The following PPP1R9A variants were observed in gnomAD, a reference collection of about 807,000 sequenced individuals.
The protein encoded by PPP1R9A is neurabin-1.
In PPP1R9A, 59 loss-of-function variants were observed where a neutral mutation model predicts 141.9. That is an observed-to-expected ratio of 0.42 (90% confidence interval 0.34 to 0.52). PPP1R9A has a LOEUF of 0.52. PPP1R9A is among the 20% of genes least tolerant of loss of function. The probability of loss-of-function intolerance (pLI) is 0.10; values close to 1 mark genes in which losing one functional copy is unlikely to be tolerated. For missense variants in PPP1R9A, 1,444 were observed against 1,611.9 expected (o/e 0.90, Z 1.78); for synonymous variants, 500 against 569.7 (o/e 0.88, Z 1.74).
At chr7:95,286,993 C>T in intron 18 of PPP1R9A, 3 of 1,071,320 alleles carry the variant, frequency 2.8e-6, no homozygotes, top group South Asian at 1.8e-5. Flanking sequence ...GCTTTTCTGC[C>T]CGTATTCTTC....
chr7:95,185,366 C>T (rs1490408059), intron 5 of PPP1R9A, among the ~76,000 whole-genome samples: 4 of 115,154 alleles, frequency 3.5e-5, no homozygotes, highest in South Asian at 5.3e-4. Flanking sequence ...CCCTAGCCCA[C>T]TTTTTTATGG....
chr7:95,015,759 G>T (rs535279352), intron 2 of PPP1R9A, among the ~76,000 whole-genome samples: 1 of 152,134 alleles, frequency 6.6e-6, no homozygotes, highest in East Asian at 1.9e-4. Flanking sequence ...TAAGTACAAA[G>T]AAAATCTAGG....
chr7:94,932,763 A>ATTTTTTTT (rs34284096), intron 2 of PPP1R9A, among the ~76,000 whole-genome samples: 1 of 119,764 alleles, frequency 8.3e-6, no homozygotes, highest in Non-Finnish European at 1.7e-5. Flanking sequence ...TACCTGAAGC[A>ATTTTTTTT]TTTTTTTTTT....
chr7:95,078,551 G>C (rs1028125525), intron 2 of PPP1R9A, among the ~76,000 whole-genome samples: 1 of 152,076 alleles, frequency 6.6e-6, no homozygotes, highest in African/African-American at 2.4e-5. Context: ...CTGAGGAATC[G>C]CCACACTGAC....
intron 7 of PPP1R9A, among the ~76,000 whole-genome samples, chr7:95,208,669 A>T (rs1791374296): frequency 6.6e-6 from 1 of 151,500 alleles, no homozygotes; most frequent in Non-Finnish European, 1.5e-5. Flanking sequence ...GCTTGCAGTG[A>T]GCCGAGATCA....
In PPP1R9A at chr7:94,933,497, G is replaced by T. The variant is rs1794412986; in HGVS notation, c.1395+21989G>T. Among the ~76,000 whole-genome samples the T allele has an allele frequency of 2.0e-5, 3 of 152,256 alleles. No individual in the cohort carries two copies. The South Asian group carries it at 6.2e-4, about 32-fold the overall frequency. On this transcript the variant is annotated intron_variant, in intron 2 of 19. Transcript: ENST00000433360. ...CAACTGTATTGGAGACACAGCTCCA[G>T]TGTGATTAACACTGTGAAAAGGAGG...
At chr7:95,173,273 C>T (rs981542889) in intron 5 of PPP1R9A, among the ~76,000 whole-genome samples, 2 of 151,760 alleles carry the variant, frequency 1.3e-5, no homozygotes, top group African/African-American at 4.8e-5. Context: ...ACACTGGGGA[C>T]TCTAAAAGAG....
chr7:95,263,844 C>A (rs897911961), intron 12 of PPP1R9A, among the ~76,000 whole-genome samples: 3 of 152,200 alleles, frequency 2.0e-5, no homozygotes, highest in Admixed American at 2.0e-4. Flanking sequence ...CACTTAACAT[C>A]TTGCTAATCT....
intron 2 of PPP1R9A, among the ~76,000 whole-genome samples, chr7:94,967,289 G>A (rs1798326015): frequency 6.6e-6 from 1 of 151,176 alleles, no homozygotes; most frequent in South Asian, 2.1e-4. Context: ...ATTTTTTTTT[G>A]AAGGGTTTTT....
Position 95,251,991 on chromosome 7 carries a change from A to G in PPP1R9A, c.2526A>G (p.Leu842=), listed in dbSNP as rs1220539285. The stretch of plus-strand genomic sequence containing the variant: ...ATTTGGAAGCTGAGGTATTCAGGCT[A>G]CTGAAGCAAAATGGGACTCAAGTTA... ...IRDLEAEVFR[L]LKQNGTQVNN... The change falls in exon 12 of 20, where the codon CTA becomes CTG. Residue 842 remains leucine (L), a synonymous_variant. Coordinates refer to ENST00000433360, the MANE Select transcript of PPP1R9A (RefSeq NM_001166160.2). The G allele has an allele frequency of 2.5e-6, 4 of 1,609,772 alleles. No individual in the cohort carries two copies. The highest frequency in any genetic ancestry group is 3.4e-6 in the Non-Finnish European group (4 of 1,178,928).
chr7:95,295,770 A>G lies in PPP1R9A; in HGVS notation c.*5467A>G, dbSNP rs1370496411. 6.6e-6 allele frequency: 1 copy of G among 152,402 alleles called. No homozygotes were observed. The highest frequency in any genetic ancestry group is 1.5e-5 in the Non-Finnish European group (1 of 68,034). 9.4% of individuals were successfully genotyped at this position (152,402 alleles called of 1,614,324 possible). On this transcript the variant is annotated 3_prime_UTR_variant, in exon 20 of 20. Coordinates refer to ENST00000433360, the MANE Select transcript of PPP1R9A (RefSeq NM_001166160.2). The stretch of plus-strand genomic sequence containing the variant: ...GCAAGAAATAATTAAATTACCTTAA[A>G]AAGAATTAAGAGGCACTCCAGCCAG...
chr7:95,198,548 TA>T, intron 6 of PPP1R9A, 64 bp downstream of exon 6: 1 of 1,461,882 alleles, frequency 6.8e-7, no homozygotes, highest in Non-Finnish European at 9.1e-7. Context: ...CTCTCTACTG[TA>T]TAACAGTATG....
At chr7:95,253,536 G>A (rs1335595087) in intron 12 of PPP1R9A, among the ~76,000 whole-genome samples, 1 of 148,426 alleles carries the variant, frequency 6.7e-6, no homozygotes, top group Non-Finnish European at 1.5e-5. Context: ...TTAGGCAGCT[G>A]AAAGAGGAGG....
intron 2 of PPP1R9A, among the ~76,000 whole-genome samples, chr7:94,958,306 T>G (rs1797277078): frequency 6.6e-6 from 1 of 152,048 alleles, no homozygotes; most frequent in Non-Finnish European, 1.5e-5. Flanking sequence ...CATATCACTC[T>G]TTTTATTTCC....
intron 2 of PPP1R9A, among the ~76,000 whole-genome samples, chr7:94,968,075 T>C (rs1798412956): frequency 6.6e-6 from 1 of 152,232 alleles, no homozygotes; most frequent in South Asian, 2.1e-4. Flanking sequence ...AAGAACTTGC[T>C]TTATGAATCT....
chr7:95,198,545 C>A (rs1320587039), intron 6 of PPP1R9A, 61 bp downstream of exon 6: 1 of 1,485,784 alleles, frequency 6.7e-7, no homozygotes, highest in African/African-American at 1.4e-5. Flanking sequence ...ACTCTCTCTA[C>A]TGTATAACAG....
chr7:94,958,870 T>C (rs1170870716), intron 2 of PPP1R9A, among the ~76,000 whole-genome samples: 3 of 152,040 alleles, frequency 2.0e-5, no homozygotes, highest in African/African-American at 4.8e-5. Context: ...GCTTTTATGA[T>C]AATTAAGCTT....
chr7:95,227,703 C>T (rs1481009711), intron 8 of PPP1R9A, among the ~76,000 whole-genome samples: 1 of 152,104 alleles, frequency 6.6e-6, no homozygotes, highest in Non-Finnish European at 1.5e-5. Flanking sequence ...GTTACTGACC[C>T]TGGTGTAGAC....
chr7:95,200,149 A>G (rs537591995), intron 6 of PPP1R9A, among the ~76,000 whole-genome samples: 11 of 151,980 alleles, frequency 7.2e-5, no homozygotes, highest in Non-Finnish European at 1.3e-4. Flanking sequence ...CAAAGAAAGA[A>G]GATAGTCACA....
Sources: gnomAD v4.1 joint callset for allele counts (sites outside exome capture counted in the v4.1 genomes callset) on GRCh38, gnomAD v4.1.1 for gene constraint, MANE v1.5 for transcripts, NCBI Gene and HGNC (gene_info 2026-07-23, HGNC 2026-07-21) for gene names.